Variants in KCNK5 observed in about 807,000 individuals in gnomAD.
The protein encoded by KCNK5 is potassium two pore domain channel subfamily K member 5.
A neutral mutation model predicts 32.9 loss-of-function variants in KCNK5; 18 were observed. That is an observed-to-expected ratio of 0.55 (90% CI 0.38 to 0.81). KCNK5 has a LOEUF of 0.81. KCNK5 is among the 30% of genes least tolerant of loss of function. KCNK5 has a pLI of 0.00. For synonymous variants in KCNK5, 276 were observed against 275.3 expected, an observed-to-expected ratio of 1.00 and a Z score of -0.03; for missense variants, 507 against 651.0, an observed-to-expected ratio of 0.78 and a Z score of 2.41.
At position 39,194,974 on chromosome 6, in the gene KCNK5, G is replaced by A. The variant is rs1384291222; in HGVS notation, c.299-214C>T. On this transcript the variant is annotated intron_variant, in intron 2 of 4. Transcript: ENST00000359534. The surrounding 1 kb of genome is among the most constrained non-coding windows in gnomAD (Gnocchi z 4.7). ...CTGTATCTCCTCCATCATACAAGGA[G>A]CTCCCTGAAGGCAGGGACTAAGCCT... 1.3e-5 allele frequency among the ~76,000 whole-genome samples: 2 copies of A among 152,184 alleles called. No homozygotes were observed. Among genetic ancestry groups the A allele is most frequent in the African/African-American group, 4.8e-5 (2 of 41,438 alleles).
At chr6:39,206,996 C>T (rs1187818963) in intron 1 of KCNK5, among the ~76,000 whole-genome samples, 1 of 152,216 alleles carries the variant, frequency 6.6e-6, no homozygotes. Flanking sequence ...GTGTCTGCTG[C>T]ATGTGGCCTC....
rs774482944 is a variant in KCNK5 at position 39,191,005 on chromosome 6, C to T, written c.1385G>A (p.Gly462Asp). 7 of 1,588,442 alleles carry T rather than the reference C, an allele frequency of 4.4e-6. No individual in the cohort carries two copies. In the South Asian group the frequency reaches 4.6e-5, roughly 10 times the overall value. The change falls in exon 5 of 5, where the codon GGC becomes GAC. Residue 462 changes from glycine to aspartate, a missense_variant. By Grantham distance (94) the Gly-to-Asp change is moderately conservative. This residue lies in a region of KCNK5 where 252 missense variants were observed against 250.8 expected (regional missense o/e 1.00). Coordinates refer to ENST00000359534, the MANE Select transcript of KCNK5 (RefSeq NM_003740.4). This position sits in a 1 kb window ranked among gnomAD's most constrained non-coding sequence, Gnocchi z 5.8. ...GAEAKAPLNM[G>D]EFPSSSESTF... ...GGACTCGGAGGAGGAGGGGAACTCG[C>T]CCATGTTCAGGGGCGCCTTGGCTTC...
chr6:39,215,003 A>C (rs904188686), intron 1 of KCNK5, among the ~76,000 whole-genome samples: 9 of 152,156 alleles, frequency 5.9e-5, no homozygotes, highest in Non-Finnish European at 1.2e-4. Flanking sequence ...GCCTTATTGA[A>C]CAAGTGCTTA....
intron 1 of KCNK5, among the ~76,000 whole-genome samples, chr6:39,208,148 G>A (rs149011753): frequency 1.3e-3 from 203 of 152,300 alleles, no homozygotes; most frequent in African/African-American, 4.7e-3. Context: ...TCTGATAAGA[G>A]ATTATTAAGC....
At chr6:39,225,509 C>T (rs2113800405) in intron 1 of KCNK5, among the ~76,000 whole-genome samples, 1 of 152,326 alleles carries the variant, frequency 6.6e-6, no homozygotes, top group African/African-American at 2.4e-5. Context: ...GGCTGTCCTT[C>T]CTCCCCTTCA....
In KCNK5 at chr6:39,194,054, G is replaced by T; in HGVS notation, c.634+115C>A. On this transcript the variant is annotated intron_variant, in intron 4 of 4. Coordinates refer to ENST00000359534, the MANE Select transcript of KCNK5 (RefSeq NM_003740.4). This position sits in a 1 kb window ranked among gnomAD's most constrained non-coding sequence, Gnocchi z 4.7. ...GGCAGAGTGGGTTGAGAATCCCACT[G>T]GGTAAGAGAAGTGCCCAGAACATGG... 1 of 1,124,024 alleles carries T rather than the reference G, an allele frequency of 8.9e-7. No individual in the cohort carries two copies. Among genetic ancestry groups the T allele is most frequent in the Non-Finnish European group, 1.3e-6 (1 of 753,256 alleles). The allele number at this position is 1,124,024 out of a possible 1,614,324, so 69.6% of individuals were successfully genotyped here.
chr6:39,195,844 T>A (rs761363969), intron 2 of KCNK5, 32 bp downstream of exon 2: 3 of 1,534,008 alleles, frequency 2.0e-6, no homozygotes, highest in East Asian at 4.5e-5. Context: ...AGGGCATGGA[T>A]GTGGGTGTCC....
In KCNK5 at chr6:39,191,832, T is replaced by C. The variant is rs1583702780; in HGVS notation, c.635-77A>G. 3 of 1,498,332 alleles carry C rather than the reference T, an allele frequency of 2.0e-6. No homozygotes were observed. In the East Asian group the frequency reaches 6.8e-5, roughly 34 times the overall value. 92.8% of individuals were successfully genotyped at this position (1,498,332 alleles called of 1,614,324 possible). On this transcript the variant is annotated intron_variant, in intron 4 of 4. Coordinates refer to ENST00000359534, the MANE Select transcript of KCNK5 (RefSeq NM_003740.4). This position sits in a 1 kb window ranked among gnomAD's most constrained non-coding sequence, Gnocchi z 5.8. ...ATGTGCAATGGCCAATGCTGTGTGATCTGAGCAGGGGTCAGGCCAGAGCAC... is the reference window on the plus strand; with the variant it reads ...ATGTGCAATGGCCAATGCTGTGTGACCTGAGCAGGGGTCAGGCCAGAGCAC...
chr6:39,225,175 G>T (rs1469438779), intron 1 of KCNK5, among the ~76,000 whole-genome samples: 1 of 152,124 alleles, frequency 6.6e-6, no homozygotes, highest in Non-Finnish European at 1.5e-5. Flanking sequence ...CTTTTCTCCA[G>T]CAGCTCGGAG....
chr6:39,191,583 G>C lies in KCNK5; in HGVS notation c.807C>G (p.Ser269Arg). Residue 269 changes from serine to arginine, a missense_variant, in exon 5 of 5, where the codon AGC becomes AGG. Coordinates refer to ENST00000359534, the MANE Select transcript of KCNK5 (RefSeq NM_003740.4). The surrounding 1 kb of genome is among the most constrained non-coding windows in gnomAD (Gnocchi z 5.8). Reference protein sequence around the residue: ...RRRRRKESFESSPHSRKALQV... With the variant: ...RRRRRKESFERSPHSRKALQV... Reference sequence around the variant, plus strand: ...GCAGGGCCTTCCGGGAGTGTGGGGAGCTCTCAAAGGACTCCTTCCGTCGCC... The same window carrying C: ...GCAGGGCCTTCCGGGAGTGTGGGGACCTCTCAAAGGACTCCTTCCGTCGCC... 1 of 1,614,000 alleles carries C rather than the reference G, an allele frequency of 6.2e-7. No homozygotes were observed. The highest frequency in any genetic ancestry group is 1.7e-5 in the Admixed American group (1 of 60,014).
At chr6:39,200,656 C>A (rs553726852) in intron 1 of KCNK5, among the ~76,000 whole-genome samples, 1 of 152,154 alleles carries the variant, frequency 6.6e-6, no homozygotes, top group Non-Finnish European at 1.5e-5. Flanking sequence ...AAAAACAGTG[C>A]CCTAAAACCA....
At chr6:39,217,317 C>T (rs1295264164) in intron 1 of KCNK5, among the ~76,000 whole-genome samples, 1 of 152,044 alleles carries the variant, frequency 6.6e-6, no homozygotes, top group African/African-American at 2.4e-5. Flanking sequence ...CTCAGGGCCA[C>T]AGCCAGGGCT....
chr6:39,229,041 T>G lies in KCNK5; in HGVS notation c.71A>C (p.Glu24Ala), dbSNP rs1771722929. The change falls in exon 1 of 5, where the codon GAA becomes GCA. Residue 24 changes from glutamate (E) to alanine (A), a missense_variant. Physicochemically the swap from Glu to Ala is moderately radical, Grantham distance 107. Coordinates refer to ENST00000359534, the MANE Select transcript of KCNK5 (RefSeq NM_003740.4). ...CTTCCAGTGTGGCTCCTCCAGCACT[T>G]CGAAGATCGCCGCCCCGATGGCCAG... ...FYLAIGAAIF[E>A]VLEEPHWKEA... 1 of 1,614,124 alleles carries G rather than the reference T, an allele frequency of 6.2e-7. No individual in the cohort carries two copies. The highest frequency in any genetic ancestry group is 1.1e-5 in the South Asian group (1 of 91,082).
At chr6:39,214,074 G>A (rs1417460877) in intron 1 of KCNK5, among the ~76,000 whole-genome samples, 1 of 152,140 alleles carries the variant, frequency 6.6e-6, no homozygotes, top group Non-Finnish European at 1.5e-5. Context: ...GGTAGGTGGA[G>A]ATGGAGGGTT....
At chr6:39,205,841 T>G (rs539559378) in intron 1 of KCNK5, among the ~76,000 whole-genome samples, 1 of 152,254 alleles carries the variant, frequency 6.6e-6, no homozygotes, top group Non-Finnish European at 1.5e-5. Context: ...GCCCCTGCAC[T>G]TGGATTGGGC....
chr6:39,206,921 G>A (rs944517211), intron 1 of KCNK5, among the ~76,000 whole-genome samples: 1 of 152,248 alleles, frequency 6.6e-6, no homozygotes, highest in South Asian at 2.1e-4. Flanking sequence ...GAAAATAAAT[G>A]TGACTATTAT....
At chr6:39,196,019 A>G (rs1370706120) in intron 1 of KCNK5, 32 bp from the exon 2 acceptor site, 4 of 1,500,380 alleles carry the variant, frequency 2.7e-6, no homozygotes, top group Non-Finnish European at 3.7e-6. Context: ...GTCAGAGCTG[A>G]GGCCACACTT....
chr6:39,226,499 C>T (rs1771674168), intron 1 of KCNK5, among the ~76,000 whole-genome samples: 2 of 152,146 alleles, frequency 1.3e-5, no homozygotes, highest in Admixed American at 1.3e-4. Context: ...TCAGACTGCA[C>T]CCCATCTCTT....
Position 39,194,367 on chromosome 6 carries a change from A to C in KCNK5, c.466-30T>G. On this transcript the variant is annotated intron_variant, in intron 3 of 4. Coordinates refer to ENST00000359534, the MANE Select transcript of KCNK5 (RefSeq NM_003740.4). This position sits in a 1 kb window ranked among gnomAD's most constrained non-coding sequence, Gnocchi z 4.7. ...TGGGGAGCAGGAGGCCAAGTCAGAG[A>C]ATAGTGGAGACTTGGAAACCCAGCA... is the stretch of plus-strand genomic sequence containing the variant. 1 of 1,572,290 alleles carries C rather than the reference A, an allele frequency of 6.4e-7. No individual in the cohort carries two copies. Among genetic ancestry groups the C allele is most frequent in the Non-Finnish European group, 8.6e-7 (1 of 1,158,460 alleles).
Sources: gnomAD v4.1 joint callset for allele counts (sites outside exome capture counted in the v4.1 genomes callset) on GRCh38, gnomAD v4.1.1 for gene constraint, gnomAD v4.1.1 regional missense constraint, Gnocchi (gnomAD v3.1) non-coding constraint, MANE v1.5 for transcripts, NCBI Gene and HGNC (gene_info 2026-07-23, HGNC 2026-07-21) for gene names.